The following PABPC4L variants were observed in gnomAD, a reference collection of about 807,000 sequenced individuals.
The protein encoded by PABPC4L is polyadenylate-binding protein 4-like.
For synonymous variants in PABPC4L, 169 were observed against 164.1 expected, an observed-to-expected ratio of 1.03 and a Z score of -0.23; for missense variants, 452 against 451.4, an observed-to-expected ratio of 1.00 and a Z score of -0.01.
chr4:134,050,543 A>G, the PABPC4L span, among the ~76,000 whole-genome samples: 1 of 151,974 alleles, frequency 6.6e-6, no homozygotes, highest in Non-Finnish European at 1.5e-5. Context: ...CTTCTCTACT[A>G]AAAATACAAA....
chr4:134,052,841 T>C, the PABPC4L span, among the ~76,000 whole-genome samples: 3 of 152,060 alleles, frequency 2.0e-5, no homozygotes, highest in Admixed American at 2.0e-4. Flanking sequence ...GAAATAAAAA[T>C]GTGTGTGTGT....
At chr4:134,039,216 AT>A in the PABPC4L span, among the ~76,000 whole-genome samples, 1 of 151,978 alleles carries the variant, frequency 6.6e-6, no homozygotes, top group Admixed American at 6.6e-5. Flanking sequence ...ATTCTTTTGC[AT>A]TTTTTGAGGA....
chr4:133,989,288 C>G, the PABPC4L span, among the ~76,000 whole-genome samples: 3 of 152,172 alleles, frequency 2.0e-5, no homozygotes, highest in Admixed American at 6.5e-5. Context: ...CATCATCAGA[C>G]TGTAAATTTT....
At chr4:133,979,577 A>G in the PABPC4L span, among the ~76,000 whole-genome samples, 11 of 152,162 alleles carry the variant, frequency 7.2e-5, no homozygotes, top group African/African-American at 2.7e-4. Flanking sequence ...TATTAGTTCC[A>G]TAAAGACGTC....
At chr4:134,054,912 GATAATTTTACTGTTAATATTTT>G in the PABPC4L span, among the ~76,000 whole-genome samples, 1 of 151,980 alleles carries the variant, frequency 6.6e-6, no homozygotes, top group Admixed American at 6.6e-5. Context: ...TGGATTGTAT[GATAATTTTACTGTTAATATTTT>G]AAGAAAACAC....
the PABPC4L span, among the ~76,000 whole-genome samples, chr4:134,014,127 C>G: frequency 9.9e-5 from 15 of 152,144 alleles, no homozygotes; most frequent in Non-Finnish European, 2.1e-4. Flanking sequence ...CTTTACAGCT[C>G]TAGACCCTAA....
chr4:134,064,238 C>A, the PABPC4L span, among the ~76,000 whole-genome samples: 1 of 151,814 alleles, frequency 6.6e-6, no homozygotes, highest in African/African-American at 2.4e-5. Flanking sequence ...AAGGGGAAAC[C>A]AGATGAATGC....
chr4:133,982,718 G>A, the PABPC4L span, among the ~76,000 whole-genome samples: 1 of 151,844 alleles, frequency 6.6e-6, no homozygotes, highest in Admixed American at 6.6e-5. Flanking sequence ...AATAGTCATG[G>A]TTGCATTCCA....
the PABPC4L span, among the ~76,000 whole-genome samples, chr4:134,041,918 T>A: frequency 6.6e-6 from 1 of 152,066 alleles, no homozygotes; most frequent in East Asian, 1.9e-4. Flanking sequence ...GCAATCCCAC[T>A]AATAAGTATC....
At chr4:134,149,740 A>G in the PABPC4L span, among the ~76,000 whole-genome samples, 1 of 152,194 alleles carries the variant, frequency 6.6e-6, no homozygotes, top group South Asian at 2.1e-4. Flanking sequence ...TCTAAAATTT[A>G]GTCAAGCTAA....
chr4:134,052,337 G>T, the PABPC4L span, among the ~76,000 whole-genome samples: 1 of 151,884 alleles, frequency 6.6e-6, no homozygotes, highest in Non-Finnish European at 1.5e-5. Context: ...TTTGTACAAG[G>T]TTTAAATGTC....
the PABPC4L span, among the ~76,000 whole-genome samples, chr4:133,956,033 G>A: frequency 6.6e-6 from 1 of 151,736 alleles, no homozygotes; most frequent in Non-Finnish European, 1.5e-5. Flanking sequence ...CATCTTTGAA[G>A]TCCTGTTGAA....
At chr4:134,025,706 T>G in the PABPC4L span, among the ~76,000 whole-genome samples, 3 of 152,178 alleles carry the variant, frequency 2.0e-5, no homozygotes, top group African/African-American at 7.2e-5. Context: ...TTTTCTGAAT[T>G]TTCAGTGGGA....
chr4:134,129,544 T>A, the PABPC4L span, among the ~76,000 whole-genome samples: 1 of 151,726 alleles, frequency 6.6e-6, no homozygotes, highest in African/African-American at 2.4e-5. Context: ...TTCAAATACA[T>A]GGAAATAAAA....
the PABPC4L span, among the ~76,000 whole-genome samples, chr4:134,005,786 T>C: frequency 6.6e-6 from 1 of 151,736 alleles, no homozygotes; most frequent in Non-Finnish European, 1.5e-5. Context: ...CTGCTTTAGA[T>C]TGGGCTGTGA....
chr4:134,193,140 G>T (rs1027218736), downstream of PABPC4L, among the ~76,000 whole-genome samples: 1 of 151,884 alleles, frequency 6.6e-6, no homozygotes, highest in Non-Finnish European at 1.5e-5. Flanking sequence ...TATGCACTTT[G>T]TAAGCCAATA....
chr4:133,969,342 G>T, the PABPC4L span, among the ~76,000 whole-genome samples: 1 of 152,100 alleles, frequency 6.6e-6, no homozygotes, highest in African/African-American at 2.4e-5. Context: ...ATTTAAAATA[G>T]ACTCAGCCAT....
At chr4:134,081,532 TG>T in the PABPC4L span, among the ~76,000 whole-genome samples, 2 of 152,140 alleles carry the variant, frequency 1.3e-5, no homozygotes, top group Non-Finnish European at 2.9e-5. Flanking sequence ...TTAAGGAATC[TG>T]GCTCAGGACT....
the PABPC4L span, among the ~76,000 whole-genome samples, chr4:134,108,300 T>C: frequency 7.9e-5 from 12 of 151,836 alleles, no homozygotes; most frequent in East Asian, 1.9e-4. Context: ...AGACTAGTGT[T>C]ACTTCTAATT....
Sources: gnomAD v4.1 joint callset for allele counts (sites outside exome capture counted in the v4.1 genomes callset) on GRCh38, gnomAD v4.1.1 for gene constraint, MANE v1.5 for transcripts, NCBI Gene and HGNC (gene_info 2026-07-23, HGNC 2026-07-21) for gene names.